Variants in FYB1 observed in about 807,000 individuals in gnomAD.
The protein encoded by FYB1 is FYN binding protein 1, also known as FYN-binding protein 1.
In FYB1, 41 loss-of-function variants were observed where a neutral mutation model predicts 94.1. The ratio of observed to expected loss-of-function variants is 0.44; its 90% CI spans 0.34 to 0.57. FYB1 has a LOEUF of 0.57. FYB1 is among the 20% of genes least tolerant of loss of function. The pLI, the probability that FYB1 is intolerant of heterozygous loss-of-function variation, is 0.02. For missense variants in FYB1, 1,050 were observed against 976.8 expected (o/e 1.07, Z -1.00); for synonymous variants, 367 against 353.2 (o/e 1.04, Z -0.44).
chr5:39,140,359 A>G (rs1742062782), intron 4 of FYB1, among the ~76,000 whole-genome samples: 3 of 152,224 alleles, frequency 2.0e-5, no homozygotes, highest in Non-Finnish European at 4.4e-5. Flanking sequence ...AAGAAACCAC[A>G]AAGGCTTATA....
chr5:39,202,311 T>C lies in FYB1; in HGVS notation c.650A>G (p.Lys217Arg). Residue 217 changes from lysine to arginine, a missense_variant, in exon 2 of 19, where the codon AAG becomes AGG. By Grantham distance (26) the Lys-to-Arg change is conservative. Coordinates refer to ENST00000512982, the MANE Select transcript of FYB1 (RefSeq NM_001465.6). ...ENSHEDESPM[K>R]NVSSSKGSPA... ...GGACCCTTTTGATGAAGACACATTC[T>C]TCATGGGGCTTTCGTCTTCATGGGA... is the stretch of plus-strand genomic sequence containing the variant. The C allele has an allele frequency of 1.2e-6, 2 of 1,613,940 alleles. No individual in the cohort carries two copies. The highest frequency in any genetic ancestry group is 1.1e-5 in the South Asian group (1 of 91,074).
At chr5:39,199,186 A>C (rs1748096988) in intron 2 of FYB1, among the ~76,000 whole-genome samples, 2 of 152,070 alleles carry the variant, frequency 1.3e-5, no homozygotes, top group South Asian at 4.1e-4. Flanking sequence ...TCAGAATTTT[A>C]AAAAATTTTG....
chr5:39,132,044 A>C (rs1741247541), intron 9 of FYB1, among the ~76,000 whole-genome samples: 1 of 152,224 alleles, frequency 6.6e-6, no homozygotes, highest in African/African-American at 2.4e-5. Flanking sequence ...TTGCATTTGC[A>C]ATTCCCTTTT....
Position 39,141,122 on chromosome 5 carries a change from T to C in FYB1, c.1312A>G (p.Asn438Asp), listed in dbSNP as rs202104682. ...TCAGAGTGCGTGACACCATCTTGAT[T>C]GTCTTCATTGACAGGGCTTCTGAAA... Reference protein sequence around the residue: ...FDLKSPVNEDNQDGVTHSDGA... With the variant: ...FDLKSPVNEDDQDGVTHSDGA... Residue 438 changes from asparagine to aspartate, a missense_variant, in exon 4 of 19, where the codon AAT becomes GAT. By Grantham distance (23) the Asn-to-Asp change is conservative. Transcript: ENST00000512982. 1.3e-6 allele frequency: 2 copies of C among 1,593,912 alleles called. No individual in the cohort carries two copies. Among genetic ancestry groups the C allele is most frequent in the Non-Finnish European group, 1.7e-6 (2 of 1,168,800 alleles).
In FYB1 at chr5:39,153,531, T is replaced by C. The variant is rs745729091; in HGVS notation, c.1209A>G (p.Gln403=). 1.2e-6 allele frequency: 2 copies of C among 1,613,864 alleles called. No homozygotes were observed. The highest frequency in any genetic ancestry group is 1.7e-6 in the Non-Finnish European group (2 of 1,179,858). Residue 403 remains glutamine, a synonymous_variant, in exon 3 of 19, where the codon CAA becomes CAG. Coordinates refer to ENST00000512982, the MANE Select transcript of FYB1 (RefSeq NM_001465.6). The part of the protein sequence containing the change: ...PPPPPSHPAS[Q]PPLPASHPSQ... ...ATGGGTGAGATGCTGGCAATGGTGG[T>C]TGGCTGGCCGGATGGGATGGTGGAG...
In FYB1 at chr5:39,138,733, A is replaced by T. The variant is rs751064819; in HGVS notation, c.1360-42T>A. 2.5e-6 allele frequency: 3 copies of T among 1,205,888 alleles called. No homozygotes were observed. In the Admixed American group the frequency reaches 6.0e-5, roughly 24 times the overall value. The allele number at this position is 1,205,888 out of a possible 1,614,324, so 74.7% of individuals were successfully genotyped here. A position where few individuals can be genotyped will look rare whatever the true frequency, so the allele number is the denominator to read the frequency against. On this transcript the variant is annotated intron_variant, in intron 5 of 18. Coordinates refer to ENST00000512982, the MANE Select transcript of FYB1 (RefSeq NM_001465.6). Reference sequence around the variant, plus strand: ...TGATAATGATTAATTTTTATTATTTAAAAAGTTGACACACATATTACATTG... The same window carrying T: ...TGATAATGATTAATTTTTATTATTTTAAAAGTTGACACACATATTACATTG...
In FYB1 at chr5:39,119,574, C is replaced by CT; in HGVS notation, c.2198dup (p.Gln734AlafsTer13). ...TGAAGTCTTTTTCTTCTTTTTCCTGCTTTTTTAGCTTCTTAAGGTCCTTTT... is the reference window on the plus strand; with the variant it reads ...TGAAGTCTTTTTCTTCTTTTTCCTGCTTTTTTTAGCTTCTTAAGGTCCTTTT... On this transcript the variant is annotated frameshift_variant, in exon 15 of 19. Transcript: ENST00000512982. LOFTEE classifies it high-confidence loss of function. The CT allele has an allele frequency of 1.3e-6, 2 of 1,547,886 alleles. No individual in the cohort carries two copies. Among genetic ancestry groups the CT allele is most frequent in the South Asian group, 1.2e-5 (1 of 82,642 alleles).
At chr5:39,152,829 C>T (rs551835484) in intron 3 of FYB1, among the ~76,000 whole-genome samples, 45 of 152,264 alleles carry the variant, frequency 3.0e-4, no homozygotes, top group African/African-American at 1.0e-3. Context: ...GAGAGAAAAT[C>T]TGTATTATTG....
At chr5:39,124,552 G>A (rs1740445986) in intron 12 of FYB1, among the ~76,000 whole-genome samples, 1 of 152,072 alleles carries the variant, frequency 6.6e-6, no homozygotes, top group Non-Finnish European at 1.5e-5. Flanking sequence ...ATAGCCACTG[G>A]ATCAAAATTT....
intron 7 of FYB1, among the ~76,000 whole-genome samples, chr5:39,136,317 C>T (rs906865822): frequency 6.6e-6 from 1 of 152,118 alleles, no homozygotes; most frequent in African/African-American, 2.4e-5. Flanking sequence ...GATCCACCCA[C>T]CTCGGCCTCC....
intron 2 of FYB1, among the ~76,000 whole-genome samples, chr5:39,166,954 T>C (rs1296176393): frequency 6.6e-6 from 1 of 151,978 alleles, no homozygotes; most frequent in Non-Finnish European, 1.5e-5. Context: ...CTTAAATTTA[T>C]ATAAATAAAA....
chr5:39,124,799 C>T (rs1740472384), intron 12 of FYB1, among the ~76,000 whole-genome samples: 1 of 151,902 alleles, frequency 6.6e-6, no homozygotes, highest in African/African-American at 2.4e-5. Context: ...TTTACTTAAA[C>T]CAGAGAGTGA....
intron 10 of FYB1, among the ~76,000 whole-genome samples, chr5:39,129,404 G>A (rs1194198304): frequency 6.6e-6 from 1 of 152,048 alleles, no homozygotes; most frequent in Non-Finnish European, 1.5e-5. Flanking sequence ...TCTAGGTAGA[G>A]ATTTCATGAC....
At position 39,118,241 on chromosome 5, in the gene FYB1, A is replaced by T. The variant is rs190518727; in HGVS notation, c.2401+633T>A. ...CTTTAATAGCTGATAAAGTCAAAGGAGATGGGAACTTTTTTGGATTTATTT... is the reference window on the plus strand; with the variant it reads ...CTTTAATAGCTGATAAAGTCAAAGGTGATGGGAACTTTTTTGGATTTATTT... On this transcript the variant is annotated intron_variant, in intron 16 of 18. Coordinates refer to ENST00000512982, the MANE Select transcript of FYB1 (RefSeq NM_001465.6). 2.0e-5 allele frequency among the ~76,000 whole-genome samples: 3 copies of T among 152,278 alleles called. No individual in the cohort carries two copies. The East Asian group carries it at 5.8e-4, about 29-fold the overall frequency.
chr5:39,212,458 A>G (rs957894400), intron 1 of FYB1, among the ~76,000 whole-genome samples: 2 of 152,168 alleles, frequency 1.3e-5, no homozygotes, highest in African/African-American at 2.4e-5. Flanking sequence ...ATATTTTGAA[A>G]CCTTACTCTA....
chr5:39,245,621 G>A lies in FYB1; in HGVS notation c.-28+28782C>T, dbSNP rs143010450. ...AAGAGGCTTTTTTTTTTTTTGAGAC[G>A]GAATGTCATTCTTGTTGCCCAGGCT... On this transcript the variant is annotated intron_variant, in intron 1 of 1. Coordinates refer to the FYB1 transcript ENST00000510188. 4.0e-3 allele frequency among the ~76,000 whole-genome samples: 600 copies of A among 148,810 alleles called. 1 individual carries two copies. The highest frequency in any genetic ancestry group is 6.6e-3 in the Non-Finnish European group (448 of 67,574).
intron 2 of FYB1, among the ~76,000 whole-genome samples, chr5:39,171,704 A>T (rs1745262173): frequency 6.6e-6 from 1 of 152,192 alleles, no homozygotes; most frequent in African/African-American, 2.4e-5. Flanking sequence ...TTGAAACACA[A>T]CTTATTTGTT....
chr5:39,183,272 C>T (rs1456803452), intron 2 of FYB1, among the ~76,000 whole-genome samples: 16 of 152,164 alleles, frequency 1.1e-4, no homozygotes, highest in Admixed American at 9.2e-4. Context: ...AGGCATGAGC[C>T]ACCACTCCTG....
chr5:39,189,521 G>C (rs1219602839), intron 2 of FYB1, among the ~76,000 whole-genome samples: 1 of 152,172 alleles, frequency 6.6e-6, no homozygotes, highest in African/African-American at 2.4e-5. Flanking sequence ...CTAATATTCA[G>C]AGGAAGACCA....
Sources: allele counts gnomAD v4.1 joint callset (sites outside exome capture counted in the v4.1 genomes callset), GRCh38; gene constraint gnomAD v4.1.1; transcripts MANE v1.5; gene names NCBI Gene and HGNC (gene_info 2026-07-23, HGNC 2026-07-21).